The following ADGRG6 variants were observed in gnomAD, a reference collection of about 807,000 sequenced individuals.
ADGRG6 encodes the protein G-protein coupled receptor 126.
A neutral mutation model predicts 142.4 loss-of-function variants in ADGRG6; 84 were observed. The ratio of observed to expected loss-of-function variants is 0.59; its 90% CI spans 0.49 to 0.71. The LOEUF (loss-of-function observed/expected upper bound fraction) is 0.71, where lower values mean the gene tolerates loss of function less well. Ranked by LOEUF, ADGRG6 falls within the 30% of genes least tolerant of loss-of-function variation. The pLI is 0.00. For synonymous variants in ADGRG6, 521 were observed against 520.5 expected (o/e 1.00, Z -0.01); for missense variants, 1,367 against 1,466.6 (o/e 0.93, Z 1.11).
At chr6:142,431,728 G>A (rs181281345) in intron 22 of ADGRG6, among the ~76,000 whole-genome samples, 2 of 152,156 alleles carry the variant, frequency 1.3e-5, no homozygotes, top group Non-Finnish European at 2.9e-5. Context: ...TTTGAGACCA[G>A]CCTGGCAAAT....
intron 16 of ADGRG6, 97 bp from the exon 17 acceptor site, chr6:142,409,777 T>C (rs1775989531): frequency 3.4e-6 from 2 of 583,616 alleles, no homozygotes; most frequent in Non-Finnish European, 6.1e-6. Flanking sequence ...TACTAATCTA[T>C]TTCTTTGTGA....
chr6:142,320,691 G>A (rs1372200950), intron 2 of ADGRG6, among the ~76,000 whole-genome samples: 3 of 151,986 alleles, frequency 2.0e-5, no homozygotes, highest in Non-Finnish European at 4.4e-5. Context: ...CGTTAAATTG[G>A]ATGGTTGATT....
intron 2 of ADGRG6, among the ~76,000 whole-genome samples, chr6:142,354,685 G>A (rs1780357969): frequency 1.3e-5 from 2 of 152,172 alleles, no homozygotes; most frequent in African/African-American, 2.4e-5. Context: ...CCCTAAAAGG[G>A]ACGTATTACA....
chr6:142,323,251 C>T (rs551381604), intron 2 of ADGRG6, among the ~76,000 whole-genome samples: 2 of 151,936 alleles, frequency 1.3e-5, no homozygotes, highest in Non-Finnish European at 2.9e-5. Context: ...AAAAACATCT[C>T]ATGAAAGTGA....
At chr6:142,326,180 A>G (rs1274287655) in intron 2 of ADGRG6, among the ~76,000 whole-genome samples, 1 of 151,988 alleles carries the variant, frequency 6.6e-6, no homozygotes, top group East Asian at 1.9e-4. Context: ...TTTTCCAAAT[A>G]TGTCTTCAAA....
intron 4 of ADGRG6, among the ~76,000 whole-genome samples, chr6:142,376,491 C>T (rs1047305560): frequency 6.6e-6 from 1 of 152,060 alleles, no homozygotes; most frequent in African/African-American, 2.4e-5. Flanking sequence ...TTGTTTCCCT[C>T]TCTAGGATTT....
chr6:142,304,166 G>C (rs971246804), intron 1 of ADGRG6, among the ~76,000 whole-genome samples: 2 of 152,088 alleles, frequency 1.3e-5, no homozygotes, highest in Non-Finnish European at 2.9e-5. Context: ...TTACTATCTT[G>C]TTGAAAAATG....
At chr6:142,309,687 A>G (rs1230551189) in intron 2 of ADGRG6, 43 bp downstream of exon 2, 1 of 1,253,870 alleles carries the variant, frequency 8.0e-7, no homozygotes, top group Non-Finnish European at 1.1e-6. Context: ...AATCATGATG[A>G]CATTGTCTGC....
At chr6:142,393,814 C>T in intron 8 of ADGRG6, 82 bp from the exon 9 acceptor site, 1 of 843,998 alleles carries the variant, frequency 1.2e-6, no homozygotes, top group South Asian at 1.5e-5. Context: ...CATTCTGTCT[C>T]TTTATTTCAG....
intron 4 of ADGRG6, among the ~76,000 whole-genome samples, chr6:142,374,363 C>G (rs1253017138): frequency 6.6e-6 from 1 of 152,172 alleles, no homozygotes; most frequent in Non-Finnish European, 1.5e-5. Context: ...ATTTGTTTCA[C>G]ACAGTGCTTT....
chr6:142,418,060 C>A (rs368931992), intron 21 of ADGRG6, among the ~76,000 whole-genome samples: 1 of 151,980 alleles, frequency 6.6e-6, no homozygotes, highest in Non-Finnish European at 1.5e-5. Context: ...TTTAGGAGGC[C>A]GAGCTGGGTA....
chr6:142,320,014 T>C (rs115600776), intron 2 of ADGRG6, among the ~76,000 whole-genome samples: 3,298 of 152,198 alleles, frequency 0.022, 116 homozygotes, highest in African/African-American at 0.075. Context: ...GCAGAATACA[T>C]AAACCAGTTT....
chr6:142,308,674 C>T (rs1344144635), intron 1 of ADGRG6, among the ~76,000 whole-genome samples: 1 of 151,792 alleles, frequency 6.6e-6, no homozygotes, highest in Non-Finnish European at 1.5e-5. Flanking sequence ...ACCTTCCTGC[C>T]TCACAACTCT....
chr6:142,384,961 A>C (rs1230390719), intron 6 of ADGRG6, among the ~76,000 whole-genome samples: 1 of 151,964 alleles, frequency 6.6e-6, no homozygotes, highest in Non-Finnish European at 1.5e-5. Flanking sequence ...AATTCCAGCA[A>C]CCCCCAAGAA....
At chr6:142,311,930 C>T (rs1777787438) in intron 2 of ADGRG6, among the ~76,000 whole-genome samples, 1 of 151,974 alleles carries the variant, frequency 6.6e-6, no homozygotes, top group Non-Finnish European at 1.5e-5. Context: ...CTCCTACTCT[C>T]ACTATTTTGT....
intron 24 of ADGRG6, among the ~76,000 whole-genome samples, chr6:142,440,684 A>G (rs756037245): frequency 6.6e-6 from 1 of 152,158 alleles, no homozygotes; most frequent in Non-Finnish European, 1.5e-5. Context: ...GTCAACTAGG[A>G]TGAGAATATA....
intron 2 of ADGRG6, among the ~76,000 whole-genome samples, chr6:142,364,514 A>G (rs1020388821): frequency 2.0e-5 from 3 of 152,182 alleles, no homozygotes; most frequent in African/African-American, 7.2e-5. Flanking sequence ...GTAATTATTA[A>G]TAATAGCCAA....
intron 13 of ADGRG6, among the ~76,000 whole-genome samples, chr6:142,403,093 A>G (rs1193306769): frequency 6.6e-6 from 1 of 152,008 alleles, no homozygotes; most frequent in African/African-American, 2.4e-5. Context: ...AAAATTCTAA[A>G]TTTAGTTTAA....
chr6:142,384,690 C>T (rs898821982), intron 6 of ADGRG6, among the ~76,000 whole-genome samples: 1 of 152,070 alleles, frequency 6.6e-6, no homozygotes, highest in Non-Finnish European at 1.5e-5. Flanking sequence ...TTCTAAACTC[C>T]AGTCATTTAG....
Sources: allele counts gnomAD v4.1 joint callset (sites outside exome capture counted in the v4.1 genomes callset), GRCh38; gene constraint gnomAD v4.1.1; transcripts MANE v1.5; gene names NCBI Gene and HGNC (gene_info 2026-07-23, HGNC 2026-07-21).